TDRD9: variants seen among roughly 807,000 people sequenced by gnomAD.
TDRD9 encodes the protein tudor domain containing 9.
Under a neutral mutation model 172.6 loss-of-function variants are expected in TDRD9, and 124 were observed. The ratio of observed to expected loss-of-function variants is 0.72; its 90% CI spans 0.62 to 0.83. The LOEUF (loss-of-function observed/expected upper bound fraction) is 0.83, where lower values mean the gene tolerates loss of function less well. TDRD9 is among the 40% of genes least tolerant of loss of function. The pLI, the probability that TDRD9 is intolerant of heterozygous loss-of-function variation, is 0.00. For synonymous variants in TDRD9, 619 were observed against 617.1 expected, an observed-to-expected ratio of 1.00 and a Z score of -0.05; for missense variants, 1,479 against 1,714.1, an observed-to-expected ratio of 0.86 and a Z score of 2.42.
chr14:103,940,234 T>G (rs2031135584), intron 1 of TDRD9, among the ~76,000 whole-genome samples: 2 of 152,192 alleles, frequency 1.3e-5, no homozygotes, highest in South Asian at 4.1e-4. Flanking sequence ...CTGAGTTTTA[T>G]TACACGTTCC....
rs181101552 is a variant in TDRD9 at position 103,991,790 on chromosome 14, C to T, written c.1180+566C>T. ...TTTTTTTTTTGGAGACAGAGTCTCA[C>T]TCTGTTGCCCAGGCAGGGGTACAGT... On this transcript the variant is annotated intron_variant, in intron 9 of 35. Coordinates refer to ENST00000409874, the MANE Select transcript of TDRD9 (RefSeq NM_153046.3). Among the ~76,000 whole-genome samples, 255 of 148,792 alleles carry T rather than the reference C, an allele frequency of 1.7e-3. 2 individuals are homozygous for T. Among genetic ancestry groups the T allele is most frequent in the African/African-American group, 6.2e-3 (249 of 40,364 alleles).
chr14:103,962,425 T>C (rs534368899), intron 2 of TDRD9, among the ~76,000 whole-genome samples: 1 of 152,340 alleles, frequency 6.6e-6, no homozygotes, highest in Non-Finnish European at 1.5e-5. Flanking sequence ...AGGGATAGAA[T>C]GTTCTCAGTT....
At chr14:103,966,387 G>A (rs961844703) in intron 4 of TDRD9, among the ~76,000 whole-genome samples, 2 of 152,152 alleles carry the variant, frequency 1.3e-5, no homozygotes, top group Admixed American at 1.3e-4. Context: ...AGTTGAATAG[G>A]AAAGCAGTAA....
rs531486460 is a variant in TDRD9 at position 103,933,413 on chromosome 14, C to T, written c.215+4689C>T. Among the ~76,000 whole-genome samples the T allele has an allele frequency of 3.9e-5, 6 of 152,300 alleles. No individual in the cohort carries two copies. The South Asian group carries it at 1.0e-3, about 26-fold the overall frequency. ...GCTCATGAAGATCTTACTTAATTCT[C>T]GCTTTTGTGTCTTTGACTGTTCAAC... is the stretch of plus-strand genomic sequence containing the variant. On this transcript the variant is annotated intron_variant, in intron 1 of 35. Transcript: ENST00000409874.
chr14:103,952,190 G>GTGTATATATATATA (rs1366094210), intron 1 of TDRD9, among the ~76,000 whole-genome samples: 16 of 55,528 alleles, frequency 2.9e-4, no homozygotes, highest in African/African-American at 8.3e-4. Context: ...GCGTGTGTGT[G>GTGTATATATATATA]TATATATATA....
chr14:103,994,277 T>G, intron 9 of TDRD9, 55 bp from the exon 10 acceptor site: 1 of 1,504,142 alleles, frequency 6.6e-7, no homozygotes, highest in Non-Finnish European at 9.2e-7. Context: ...AAGGTTGGTT[T>G]CTAGCAGTAA....
intron 1 of TDRD9, among the ~76,000 whole-genome samples, chr14:103,940,176 G>A (rs561664644): frequency 6.6e-5 from 10 of 152,194 alleles, no homozygotes; most frequent in Admixed American, 6.5e-4. Context: ...TTTGAGAGTA[G>A]CAGCTACTCA....
intron 7 of TDRD9, among the ~76,000 whole-genome samples, chr14:103,978,156 C>A (rs1452392617): frequency 6.6e-6 from 1 of 151,390 alleles, no homozygotes; most frequent in Non-Finnish European, 1.5e-5. Flanking sequence ...CTTGTGAGAT[C>A]TTTTTTGGTT....
intron 18 of TDRD9, 45 bp from the exon 19 acceptor site, chr14:104,007,111 TTCAG>T (rs1046187020): frequency 6.5e-6 from 10 of 1,545,128 alleles, no homozygotes; most frequent in Admixed American, 2.1e-5. Context: ...TTAAAAAAAA[TTCAG>T]TGAGCCAACA....
chr14:104,027,389 C>G (rs1295765800), intron 28 of TDRD9, among the ~76,000 whole-genome samples: 1 of 151,988 alleles, frequency 6.6e-6, no homozygotes, highest in Non-Finnish European at 1.5e-5. Context: ...TGAAAATGTT[C>G]TATATATGTG....
Position 103,986,220 on chromosome 14 carries a change from TCTC to T in TDRD9, c.1019_1021del (p.Pro340del). 2 of 1,611,678 alleles carry T rather than the reference TCTC, an allele frequency of 1.2e-6. No homozygotes were observed. Among genetic ancestry groups the T allele is most frequent in the South Asian group, 1.1e-5 (1 of 90,434 alleles). On this transcript the variant is annotated inframe_deletion, in exon 8 of 36. Coordinates refer to ENST00000409874, the MANE Select transcript of TDRD9 (RefSeq NM_153046.3). ...TTTTTTCTTTCACTGTTTTTAGCTC[TCTC>T]CTCATCTCCTGGAGGAACCGGTGAT... is the stretch of plus-strand genomic sequence containing the variant.
intron 1 of TDRD9, among the ~76,000 whole-genome samples, chr14:103,933,323 G>T (rs1364566045): frequency 1.3e-5 from 2 of 152,146 alleles, no homozygotes; most frequent in East Asian, 3.9e-4. Flanking sequence ...GCTTCCTTCT[G>T]CCTTGTGTTT....
chr14:103,947,473 G>A (rs372452006), intron 1 of TDRD9, among the ~76,000 whole-genome samples: 8 of 151,964 alleles, frequency 5.3e-5, no homozygotes, highest in East Asian at 3.9e-4. Context: ...GACTACAGGC[G>A]CCCGCCACCA....
Position 104,005,361 on chromosome 14 carries a change from C to T in TDRD9, c.1669C>T (p.Pro557Ser). The T allele has an allele frequency of 7.4e-6, 12 of 1,613,978 alleles. No individual in the cohort carries two copies. Among genetic ancestry groups the T allele is most frequent in the Non-Finnish European group, 9.3e-6 (11 of 1,179,880 alleles). ...RALLATALSP[P>S]GLSDIERTIL... ...TCTGCTGGCCACTGCCCTTTCCCCG[C>T]CTGGTCTGAGTGACATTGAGCGCAC... Residue 557 changes from proline (P) to serine (S), a missense_variant, in exon 15 of 36, where the codon CCT becomes TCT. By Grantham distance (74) the Pro-to-Ser change is moderately conservative (BLOSUM62 -1). Coordinates refer to ENST00000409874, the MANE Select transcript of TDRD9 (RefSeq NM_153046.3).
chr14:103,971,368 G>A (rs567191815), intron 6 of TDRD9, among the ~76,000 whole-genome samples: 12 of 151,290 alleles, frequency 7.9e-5, no homozygotes, highest in African/African-American at 1.9e-4. Context: ...GCAGTGGTGC[G>A]ATCTCAGCTC....
chr14:104,048,091 G>A (rs1388349023), intron 34 of TDRD9, among the ~76,000 whole-genome samples: 1 of 152,138 alleles, frequency 6.6e-6, no homozygotes, highest in Non-Finnish European at 1.5e-5. Context: ...TTTAGATAAT[G>A]TACTGGAGCA....
intron 6 of TDRD9, among the ~76,000 whole-genome samples, chr14:103,973,921 G>A (rs948519538): frequency 6.6e-6 from 1 of 152,146 alleles, no homozygotes; most frequent in African/African-American, 2.4e-5. Flanking sequence ...TTTTTGGCTG[G>A]GTGTGGTGGC....
At chr14:103,946,406 C>T (rs1264295050) in intron 1 of TDRD9, among the ~76,000 whole-genome samples, 2 of 152,150 alleles carry the variant, frequency 1.3e-5, no homozygotes, top group African/African-American at 4.8e-5. Context: ...AAACTACTAG[C>T]ATAATAAAAG....
rs140518930 is a variant in TDRD9 at position 103,935,761 on chromosome 14, A to C, written c.215+7037A>C. Among the ~76,000 whole-genome samples the C allele has an allele frequency of 9.8e-4, 149 of 152,286 alleles. 1 individual carries two copies. The highest frequency in any genetic ancestry group is 3.4e-3 in the Middle Eastern group (1 of 294). On this transcript the variant is annotated intron_variant, in intron 1 of 35. Transcript: ENST00000409874. ...CAAGTGGTCAGAGGGACACCAGGTG[A>C]GTGAGGCCCACTTTAATCAACAGCT...
Sources: allele counts gnomAD v4.1 joint callset (sites outside exome capture counted in the v4.1 genomes callset), GRCh38; gene constraint gnomAD v4.1.1; transcripts MANE v1.5; gene names NCBI Gene and HGNC (gene_info 2026-07-23, HGNC 2026-07-21).